Variants in PCCA observed in about 807,000 individuals in gnomAD.
PCCA encodes propionyl-CoA carboxylase alpha chain, mitochondrial.
In PCCA, 74 loss-of-function variants were observed where a neutral mutation model predicts 101.3. The observed-to-expected ratio is 0.73, with a 90% CI of 0.61 to 0.89. The LOEUF (loss-of-function observed/expected upper bound fraction) is 0.89. PCCA is among the 40% of genes least tolerant of loss of function. The pLI, the probability that PCCA is intolerant of heterozygous loss-of-function variation, is 0.00. For missense variants in PCCA, 891 were observed against 907.0 expected (o/e 0.98, Z 0.23); for synonymous variants, 294 against 313.6 (o/e 0.94, Z 0.66).
At chr13:100,349,769 C>G (rs895178940) in intron 18 of PCCA, among the ~76,000 whole-genome samples, 1 of 74,174 alleles carries the variant, frequency 1.3e-5, no homozygotes, top group Non-Finnish European at 3.4e-5. Flanking sequence ...CTTAGGAGAA[C>G]ATATCAAGTA....
At chr13:100,180,135 T>A (rs1200306414) in intron 6 of PCCA, among the ~76,000 whole-genome samples, 3 of 152,188 alleles carry the variant, frequency 2.0e-5, no homozygotes, top group African/African-American at 7.2e-5. Context: ...TCTGTATCAC[T>A]TCTGACCTAA....
intron 18 of PCCA, among the ~76,000 whole-genome samples, chr13:100,350,171 G>A (rs534486864): frequency 2.0e-4 from 30 of 152,240 alleles, no homozygotes; most frequent in African/African-American, 6.3e-4. Context: ...ATTGTTGAAC[G>A]GGTACATACT....
At chr13:100,158,727 C>T (rs1048684512) in intron 6 of PCCA, among the ~76,000 whole-genome samples, 2 of 152,128 alleles carry the variant, frequency 1.3e-5, no homozygotes, top group African/African-American at 4.8e-5. Context: ...GTCCACAGGA[C>T]AAATGCAGCC....
intron 12 of PCCA, among the ~76,000 whole-genome samples, chr13:100,289,211 A>G (rs1277229266): frequency 2.6e-5 from 4 of 152,164 alleles, no homozygotes; most frequent in Non-Finnish European, 5.9e-5. Flanking sequence ...CTGAAATCCT[A>G]CTTTGACTCA....
intron 1 of PCCA, among the ~76,000 whole-genome samples, chr13:100,099,491 G>T (rs1302652510): frequency 6.6e-6 from 1 of 151,726 alleles, no homozygotes; most frequent in Non-Finnish European, 1.5e-5. Context: ...CTAATTTTTT[G>T]TATTTTTCGT....
At chr13:100,437,981 T>G (rs1306278308) in intron 20 of PCCA, among the ~76,000 whole-genome samples, 1 of 152,082 alleles carries the variant, frequency 6.6e-6, no homozygotes, top group Non-Finnish European at 1.5e-5. Context: ...TCATTTAAAA[T>G]TTCTTAGTAG....
chr13:100,297,082 G>A (rs558432302), intron 12 of PCCA, among the ~76,000 whole-genome samples: 119 of 152,264 alleles, frequency 7.8e-4, no homozygotes, highest in African/African-American at 2.8e-3. Flanking sequence ...ACTAGATTCA[G>A]TCTTTGCATT....
intron 20 of PCCA, among the ~76,000 whole-genome samples, chr13:100,442,138 C>T (rs1385675751): frequency 2.0e-5 from 3 of 151,982 alleles, no homozygotes; most frequent in East Asian, 1.9e-4. Context: ...GGATTACAGG[C>T]GCGTGCCACC....
intron 21 of PCCA, chr13:100,490,142 A>G (rs2084793318): frequency 6.6e-6 from 1 of 152,188 alleles, no homozygotes; most frequent in African/African-American, 2.4e-5. Flanking sequence ...ATGGTGAATC[A>G]TTGCTTATTG....
At position 100,515,411 on chromosome 13, in the gene PCCA, T is replaced by A. The variant is rs745958506; in HGVS notation, c.1900-16T>A. ...ATTTAAACTCATTTATGGTTTGGTT[T>A]TGTTTTTCCCTTAAGTACAAGGTGA... On this transcript the variant is annotated splice_polypyrimidine_tract_variant and intron_variant, in intron 21 of 23. Transcript: ENST00000376285. 1 of 1,612,898 alleles carries A rather than the reference T, an allele frequency of 6.2e-7. No homozygotes were observed. Among genetic ancestry groups the A allele is most frequent in the Non-Finnish European group, 8.5e-7 (1 of 1,178,850 alleles).
chr13:100,216,274 T>G (rs1350256603), intron 7 of PCCA, among the ~76,000 whole-genome samples: 1 of 152,084 alleles, frequency 6.6e-6, no homozygotes, highest in Non-Finnish European at 1.5e-5. Context: ...CGCAAGATTG[T>G]TGGTTGAGGT....
chr13:100,334,464 G>A (rs1398037460), intron 17 of PCCA, among the ~76,000 whole-genome samples: 1 of 152,164 alleles, frequency 6.6e-6, no homozygotes, highest in East Asian at 1.9e-4. Context: ...TACTCATCTA[G>A]GGAGGAAGAC....
chr13:100,237,335 T>C (rs1055831751), intron 8 of PCCA: 5 of 152,254 alleles, frequency 3.3e-5, no homozygotes, highest in Admixed American at 6.5e-5. Context: ...ATCTATCTTA[T>C]TGATATAGGT....
chr13:100,514,052 G>A (rs1403443608), intron 21 of PCCA, among the ~76,000 whole-genome samples: 1 of 152,200 alleles, frequency 6.6e-6, no homozygotes, highest in Non-Finnish European at 1.5e-5. Context: ...ACAGCAGCGT[G>A]CACTCTCCTC....
At chr13:100,431,219 A>G (rs1173817985) in intron 20 of PCCA, among the ~76,000 whole-genome samples, 2 of 152,148 alleles carry the variant, frequency 1.3e-5, no homozygotes, top group African/African-American at 4.8e-5. Flanking sequence ...GAAAATATAT[A>G]TTTATTGGCT....
chr13:100,210,727 C>T (rs1173057730), intron 7 of PCCA, among the ~76,000 whole-genome samples: 3 of 152,168 alleles, frequency 2.0e-5, no homozygotes, highest in Non-Finnish European at 4.4e-5. Flanking sequence ...ACTTAGCCTG[C>T]AGGAACTCTT....
chr13:100,153,841 A>G (rs899072160), intron 4 of PCCA, among the ~76,000 whole-genome samples: 39 of 152,194 alleles, frequency 2.6e-4, no homozygotes, highest in Non-Finnish European at 8.8e-5. Flanking sequence ...TCCCTTGGGC[A>G]TTTACCTGAT....
intron 21 of PCCA, among the ~76,000 whole-genome samples, chr13:100,496,551 C>T (rs542874089): frequency 2.0e-4 from 31 of 151,992 alleles, no homozygotes; most frequent in Non-Finnish European, 4.1e-4. Context: ...CGCATGTTCA[C>T]GTTTCTCTTT....
chr13:100,127,630 CGCCCG>C (rs2050086843), intron 4 of PCCA, among the ~76,000 whole-genome samples: 1 of 151,666 alleles, frequency 6.6e-6, no homozygotes, highest in Non-Finnish European at 1.5e-5. Context: ...TGGTGGCTCA[CGCCCG>C]TAATCCCAGC....
Sources: allele counts gnomAD v4.1 joint callset (sites outside exome capture counted in the v4.1 genomes callset), GRCh38; gene constraint gnomAD v4.1.1; transcripts MANE v1.5; gene names NCBI Gene and HGNC (gene_info 2026-07-23, HGNC 2026-07-21).